The following EBI3 variants were observed in gnomAD, a reference collection of about 807,000 sequenced individuals.
The protein encoded by EBI3 is interleukin-27 subunit beta.
A neutral mutation model predicts 21.3 loss-of-function variants in EBI3; 19 were observed. That is an observed-to-expected ratio of 0.89 (90% CI 0.62 to 1.31). The LOEUF is 1.31. Among genes scored for constraint, EBI3 ranks in the 50% most tolerant of loss-of-function variants. The pLI, the probability that EBI3 is intolerant of heterozygous loss-of-function variation, is 0.00. For missense variants in EBI3, 331 were observed against 314.0 expected, an observed-to-expected ratio of 1.05 and a Z score of -0.41; for synonymous variants, 154 against 131.2, an observed-to-expected ratio of 1.17 and a Z score of -1.19.
At chr19:4,236,518 CAAAAAAAAAA>C (rs4009634) in intron 4 of EBI3, among the ~76,000 whole-genome samples, 18 of 30,512 alleles carry the variant, frequency 5.9e-4, no homozygotes, top group African/African-American at 2.7e-3. Flanking sequence ...AAGACTGTCT[CAAAAAAAAAA>C]AAAAAAAAAA....
chr19:4,231,693 C>T (rs979069961), intron 2 of EBI3, among the ~76,000 whole-genome samples: 1 of 149,764 alleles, frequency 6.7e-6, no homozygotes, highest in Non-Finnish European at 1.5e-5. Flanking sequence ...ATAGCTTGAA[C>T]CCAGGAGGCG....
chr19:4,233,242 A>G lies in EBI3; in HGVS notation c.314A>G (p.Asn105Ser), dbSNP rs146739162. Residue 105 changes from asparagine (N) to serine (S), a missense_variant, in exon 3 of 5, where the codon AAT becomes AGT. By Grantham distance (46) the Asn-to-Ser change is conservative. Transcript: ENST00000221847. ...QLFSMAPYVL[N>S]VTAVHPWGSS... ...TTCTCCATGGCTCCCTACGTGCTCA[A>G]TGTCACCGCCGTCCACCCCTGGGGC... 4.8e-5 allele frequency: 75 copies of G among 1,577,974 alleles called. No homozygotes were observed. In the African/African-American group the frequency reaches 6.9e-4, roughly 15 times the overall value.
rs768913575 is a variant in EBI3 at position 4,231,317 on chromosome 19, C to T, written c.194C>T (p.Thr65Met). The change falls in exon 2 of 5, where the codon ACG becomes ATG. Residue 65 changes from threonine to methionine, a missense_variant. Transcript: ENST00000221847. ...NSTSPVSFIATYRLGMAARGH... is the reference protein window; with the variant it reads ...NSTSPVSFIAMYRLGMAARGH... The stretch of plus-strand genomic sequence containing the variant: ...ACCAGCCCCGTGTCCTTCATTGCCA[C>T]GTACAGGTCGGAGAGCCTGGAAGGG... The T allele has an allele frequency of 2.6e-5, 42 of 1,608,586 alleles. No homozygotes were observed. The highest frequency in any genetic ancestry group is 3.3e-5 in the Non-Finnish European group (39 of 1,178,280).
Position 4,237,247 on chromosome 19 carries a change from T to C in EBI3, c.*159T>C. 2.5e-6 allele frequency: 2 copies of C among 805,990 alleles called. No individual in the cohort carries two copies. The highest frequency in any genetic ancestry group is 3.5e-6 in the Non-Finnish European group (2 of 565,288). The allele number at this position is 805,990 out of a possible 1,614,324, so 49.9% of individuals were successfully genotyped here. A position where few individuals can be genotyped will look rare whatever the true frequency, so the allele number is the denominator to read the frequency against. ...CAACCTCAGATGACCGACTTTTCCCTTTGAGCCTCAGTTTCTCTAGCTGAG... is the reference window on the plus strand; with the variant it reads ...CAACCTCAGATGACCGACTTTTCCCCTTGAGCCTCAGTTTCTCTAGCTGAG... On this transcript the variant is annotated 3_prime_UTR_variant, in exon 5 of 5. Transcript: ENST00000221847.
chr19:4,234,908 T>A (rs1240550706), intron 4 of EBI3, 84 bp downstream of exon 4: 6 of 1,550,562 alleles, frequency 3.9e-6, no homozygotes, highest in Non-Finnish European at 5.2e-6. Context: ...TGTGCTGGGC[T>A]CTTGCACATA....
At chr19:4,230,047 C>T (rs527927919) in intron 1 of EBI3, among the ~76,000 whole-genome samples, 1 of 152,088 alleles carries the variant, frequency 6.6e-6, no homozygotes, top group African/African-American at 2.4e-5. Flanking sequence ...CCTCAGCCTC[C>T]CGAGTAGTTG....
At position 4,237,160 on chromosome 19, in the gene EBI3, G is replaced by C; in HGVS notation, c.*72G>C. The C allele has an allele frequency of 7.1e-7, 1 of 1,400,992 alleles. No individual in the cohort carries two copies. Among genetic ancestry groups the C allele is most frequent in the Non-Finnish European group, 9.3e-7 (1 of 1,070,806 alleles). 86.8% of individuals were successfully genotyped at this position (1,400,992 alleles called of 1,614,324 possible). On this transcript the variant is annotated 3_prime_UTR_variant, in exon 5 of 5. Transcript: ENST00000221847. ...CTAAGCCCCGGGACACCTGTTGGAGGGCGGATGGGATCTGCCTAGCCTGGG... is the reference window on the plus strand; with the variant it reads ...CTAAGCCCCGGGACACCTGTTGGAGCGCGGATGGGATCTGCCTAGCCTGGG...
chr19:4,232,681 G>A lies in EBI3; in HGVS notation c.201-448G>A, dbSNP rs1196386267. 4.6e-5 allele frequency among the ~76,000 whole-genome samples: 7 copies of A among 152,082 alleles called. No individual in the cohort carries two copies. The East Asian group carries it at 1.2e-3, about 25-fold the overall frequency. On this transcript the variant is annotated intron_variant, in intron 2 of 4. Coordinates refer to ENST00000221847, the MANE Select transcript of EBI3 (RefSeq NM_005755.3). ...CAAGGCTATAATGAGCTAGGATCAT[G>A]CCACTGCACTCCAGCCTGGGCGCCA...
chr19:4,233,722 T>C (rs1970812219), intron 3 of EBI3, among the ~76,000 whole-genome samples: 1 of 152,186 alleles, frequency 6.6e-6, no homozygotes, highest in South Asian at 2.1e-4. Flanking sequence ...CACTCTGCTG[T>C]GGCCACATGT....
chr19:4,230,124 A>G (rs694443), intron 1 of EBI3, among the ~76,000 whole-genome samples: 27,594 of 152,044 alleles, frequency 0.18, 2,764 homozygotes, highest in Non-Finnish European at 0.22. Flanking sequence ...GGGTTTTACC[A>G]TGTTGGCCAG....
Position 4,237,016 on chromosome 19 carries a change from G to A in EBI3, c.618G>A (p.Gln206=). ...GGTACTACGTCCAAGTGGCGGCTCAGGACCTCACAGACTACGGGGAACTGA... is the reference window on the plus strand; with the variant it reads ...GGTACTACGTCCAAGTGGCGGCTCAAGACCTCACAGACTACGGGGAACTGA... The part of the protein sequence containing the change: ...RARYYVQVAA[Q]DLTDYGELSD... The change falls in exon 5 of 5, where the codon CAG becomes CAA. Residue 206 remains glutamine, a synonymous_variant. Transcript: ENST00000221847. 6.3e-7 allele frequency: 1 copy of A among 1,582,760 alleles called. No homozygotes were observed. Among genetic ancestry groups the A allele is most frequent in the Non-Finnish European group, 8.6e-7 (1 of 1,162,066 alleles).
rs146752662 is a variant in EBI3, at chr19:4,234,744, G to T, written c.457G>T (p.Gly153Trp). ...GCTACAGGTGCAGTGGGAGCCTCCCGGGTCCTGGCCCTTCCCAGAGATCTT... is the reference window on the plus strand; with the variant it reads ...GCTACAGGTGCAGTGGGAGCCTCCCTGGTCCTGGCCCTTCCCAGAGATCTT... ...RQLQVQWEPP[G>W]SWPFPEIFSL... The change falls in exon 4 of 5, where the codon GGG (glycine) becomes TGG (tryptophan). Residue 153 changes from glycine (G) to tryptophan (W), a missense_variant. Gly to Trp is a radical substitution (Grantham distance 184). Transcript: ENST00000221847. 4.3e-6 allele frequency: 7 copies of T among 1,613,972 alleles called. No individual in the cohort carries two copies. The highest frequency in any genetic ancestry group is 2.2e-5 in the South Asian group (2 of 91,088).
At position 4,233,178 on chromosome 19, in the gene EBI3, C is replaced by T. The variant is rs757290749; in HGVS notation, c.250C>T (p.Pro84Ser). ...CAGCTGGCCCTGCCTGCAGCAGACGCCAACGTCCACCAGCTGCACCATCAC... is the reference window on the plus strand; with the variant it reads ...CAGCTGGCCCTGCCTGCAGCAGACGTCAACGTCCACCAGCTGCACCATCAC... The part of the protein sequence containing the change: ...GHSWPCLQQT[P>S]TSTSCTITDV... The change falls in exon 3 of 5, where the codon CCA becomes TCA. Residue 84 changes from proline (P) to serine (S), a missense_variant. Physicochemically the swap from Pro to Ser is moderately conservative, Grantham distance 74. Coordinates refer to ENST00000221847, the MANE Select transcript of EBI3 (RefSeq NM_005755.3). 38 of 1,609,324 alleles carry T rather than the reference C, an allele frequency of 2.4e-5. No homozygotes were observed. The highest frequency in any genetic ancestry group is 3.0e-5 in the Non-Finnish European group (35 of 1,179,758).
intron 1 of EBI3, 64 bp from the exon 2 acceptor site, chr19:4,231,127 C>T (rs1019899111): frequency 5.1e-5 from 75 of 1,484,720 alleles, no homozygotes; most frequent in Admixed American, 4.8e-4. Flanking sequence ...AGGAGCCCAG[C>T]GCACGGGAGG....
intron 2 of EBI3, among the ~76,000 whole-genome samples, chr19:4,231,770 C>CAAAAAAAAA (rs776262776): frequency 1.9e-5 from 2 of 102,890 alleles, no homozygotes; most frequent in African/African-American, 8.3e-5. Context: ...GACTCCATCT[C>CAAAAAAAAA]AAAAAAAAAA....
chr19:4,231,571 A>G (rs558474356), intron 2 of EBI3, among the ~76,000 whole-genome samples: 19 of 148,850 alleles, frequency 1.3e-4, no homozygotes, highest in African/African-American at 4.5e-4. Flanking sequence ...GGAGTTTGAG[A>G]CCAGCTTGGG....
chr19:4,236,000 C>A (rs1016040199), intron 4 of EBI3, among the ~76,000 whole-genome samples: 21 of 152,234 alleles, frequency 1.4e-4, no homozygotes, highest in African/African-American at 4.8e-4. Context: ...GAAATCCCAG[C>A]ACTTTAGGAG....
intron 1 of EBI3, among the ~76,000 whole-genome samples, chr19:4,230,035 T>G (rs1279670343): frequency 6.6e-6 from 1 of 152,030 alleles, no homozygotes; most frequent in African/African-American, 2.4e-5. Context: ...GAGATTCTCC[T>G]CCCTCAGCCT....
chr19:4,237,068 A>G lies in EBI3; in HGVS notation c.670A>G (p.Thr224Ala). 7 of 1,554,122 alleles carry G rather than the reference A, an allele frequency of 4.5e-6. No homozygotes were observed. The highest frequency in any genetic ancestry group is 6.1e-6 in the Non-Finnish European group (7 of 1,146,650). Residue 224 changes from threonine to alanine, a missense_variant, in exon 5 of 5, where the codon ACA (threonine) becomes GCA (alanine). Transcript: ENST00000221847. The part of the protein sequence containing the change: ...LSDWSLPATA[T>A]MSLGK ...TGACTGGAGTCTCCCCGCCACTGCCACAATGAGCCTGGGCAAGTAGCAAGG... is the reference window on the plus strand; with the variant it reads ...TGACTGGAGTCTCCCCGCCACTGCCGCAATGAGCCTGGGCAAGTAGCAAGG...
Sources: allele counts gnomAD v4.1 joint callset (sites outside exome capture counted in the v4.1 genomes callset), GRCh38; gene constraint gnomAD v4.1.1; transcripts MANE v1.5; gene names NCBI Gene and HGNC (gene_info 2026-07-23, HGNC 2026-07-21).